LRP1B: variants seen among roughly 807,000 people sequenced by gnomAD.
LRP1B encodes low-density lipoprotein receptor-related protein 1B.
A neutral mutation model predicts 556.6 loss-of-function variants in LRP1B; 217 were observed. The ratio of observed to expected loss-of-function variants is 0.39; its 90% confidence interval spans 0.35 to 0.44. The LOEUF (loss-of-function observed/expected upper bound fraction) is 0.44, where lower values mean the gene tolerates loss of function less well. Among genes scored for constraint, LRP1B ranks in the 20% least tolerant of loss-of-function variants. The pLI is 1.00. For synonymous variants in LRP1B, 2,047 were observed against 1,865.8 expected (o/e 1.10, Z -2.50); for missense variants, 5,053 against 5,620.8 (o/e 0.90, Z 3.23).
chr2:140,251,242 A>G (rs1458454879), intron 86 of LRP1B, among the ~76,000 whole-genome samples: 2 of 151,918 alleles, frequency 1.3e-5, no homozygotes, highest in Non-Finnish European at 2.9e-5. Context: ...TATAATCTTT[A>G]AAATGAAAGT....
chr2:141,727,259 T>C (rs1293605780), intron 2 of LRP1B, among the ~76,000 whole-genome samples: 6 of 152,134 alleles, frequency 3.9e-5, no homozygotes, highest in African/African-American at 1.4e-4. Context: ...CCCTGTGGGT[T>C]ATATCTCTCC....
chr2:141,836,994 A>G lies in LRP1B; in HGVS notation c.83-26593T>C, dbSNP rs552904846. Among the ~76,000 whole-genome samples the G allele has an allele frequency of 7.2e-5, 11 of 152,118 alleles. No homozygotes were observed. The South Asian group carries it at 1.9e-3, about 26-fold the overall frequency. ...ATGTGTAAATACAAAAATAAAAGAT[A>G]TGGTGCTTGGGTTTTCAACAACTCC... On this transcript the variant is annotated intron_variant, in intron 1 of 90. Coordinates refer to ENST00000389484, the MANE Select transcript of LRP1B (RefSeq NM_018557.3).
intron 35 of LRP1B, among the ~76,000 whole-genome samples, chr2:140,732,738 T>C (rs561842208): frequency 6.6e-6 from 1 of 152,042 alleles, no homozygotes; most frequent in Non-Finnish European, 1.5e-5. Context: ...GCTGGCATTA[T>C]CAGGTAAATG....
At chr2:141,460,334 C>A (rs905837613) in intron 3 of LRP1B, among the ~76,000 whole-genome samples, 1 of 151,882 alleles carries the variant, frequency 6.6e-6, no homozygotes, top group African/African-American at 2.4e-5. Flanking sequence ...ACAGTTCATG[C>A]CAAAAATGTA....
At chr2:141,586,872 G>A (rs2105288066) in intron 2 of LRP1B, among the ~76,000 whole-genome samples, 1 of 151,154 alleles carries the variant, frequency 6.6e-6, no homozygotes, top group South Asian at 2.1e-4. Context: ...AACTCGGGAG[G>A]TGGAGCTTGC....
intron 2 of LRP1B, among the ~76,000 whole-genome samples, chr2:141,543,839 A>G (rs1685359592): frequency 6.6e-6 from 1 of 152,094 alleles, no homozygotes; most frequent in South Asian, 2.1e-4. Flanking sequence ...TTCCAGGAAT[A>G]CTGAGATGAG....
Position 141,166,092 on chromosome 2 carries a change from A to G in LRP1B, c.1013+22329T>C, listed in dbSNP as rs540082324. Among the ~76,000 whole-genome samples the G allele has an allele frequency of 1.4e-4, 22 of 151,946 alleles. No individual in the cohort carries two copies. The East Asian group carries it at 4.1e-3, about 28-fold the overall frequency. ...TCCTACTTTTGCTTCCTTACCCCAC[A>G]TACGCTATGTTTTACCATAACACCC... On this transcript the variant is annotated intron_variant, in intron 7 of 90. Transcript: ENST00000389484.
chr2:140,493,460 A>C (rs1688788030), intron 56 of LRP1B, among the ~76,000 whole-genome samples: 1 of 152,160 alleles, frequency 6.6e-6, no homozygotes, highest in South Asian at 2.1e-4. Flanking sequence ...AATTTCAGAA[A>C]GATTTTCTTT....
intron 3 of LRP1B, among the ~76,000 whole-genome samples, chr2:141,365,246 T>C (rs531735284): frequency 6.6e-6 from 1 of 152,012 alleles, no homozygotes; most frequent in East Asian, 1.9e-4. Flanking sequence ...TGTTTGTTTG[T>C]AGAGCTAGGG....
intron 2 of LRP1B, among the ~76,000 whole-genome samples, chr2:141,635,026 A>G (rs998669271): frequency 7.7e-6 from 1 of 130,698 alleles, no homozygotes; most frequent in Non-Finnish European, 1.6e-5. Flanking sequence ...ACCGCATAAC[A>G]TATAGTCAGA....
Position 141,036,342 on chromosome 2 carries a change from T to C in LRP1B, c.1789+12644A>G, listed in dbSNP as rs142429844. Among the ~76,000 whole-genome samples the C allele has an allele frequency of 5.5e-3, 836 of 152,118 alleles. 11 individuals carry two copies. Among genetic ancestry groups the C allele is most frequent in the African/African-American group, 0.018 (766 of 41,528 alleles). On this transcript the variant is annotated intron_variant, in intron 11 of 90. Transcript: ENST00000389484. ...AACACAAAGAATTTCTTTCACTGAA[T>C]TTACAAGAGAAAGATGGAAGGCAAA...
At chr2:140,910,282 A>G (rs1313378142) in intron 21 of LRP1B, among the ~76,000 whole-genome samples, 2 of 151,810 alleles carry the variant, frequency 1.3e-5, no homozygotes, top group African/African-American at 4.8e-5. Context: ...TATATATGAA[A>G]CAGTTGGCAA....
intron 25 of LRP1B, among the ~76,000 whole-genome samples, chr2:140,881,397 C>G (rs1559172591): frequency 6.6e-6 from 1 of 151,902 alleles, no homozygotes; most frequent in Non-Finnish European, 1.5e-5. Context: ...TTTTAATATT[C>G]ACATTACATT....
chr2:141,024,433 A>T (rs1698159549), intron 11 of LRP1B, among the ~76,000 whole-genome samples: 1 of 152,022 alleles, frequency 6.6e-6, no homozygotes, highest in African/African-American at 2.4e-5. Context: ...ATATATTAAA[A>T]CATAGTGGTT....
intron 2 of LRP1B, among the ~76,000 whole-genome samples, chr2:141,778,253 T>C (rs1695139803): frequency 6.6e-6 from 1 of 152,246 alleles, no homozygotes; most frequent in Non-Finnish European, 1.5e-5. Context: ...GCATCCATTT[T>C]CCATACATTA....
At chr2:140,291,139 C>CTAA (rs1683354289) in intron 84 of LRP1B, among the ~76,000 whole-genome samples, 1 of 151,156 alleles carries the variant, frequency 6.6e-6, no homozygotes, top group African/African-American at 2.4e-5. Flanking sequence ...AGCCCTCCTG[C>CTAA]TAATAGAAAC....
At chr2:140,964,833 G>C (rs1303342919) in intron 18 of LRP1B, among the ~76,000 whole-genome samples, 1 of 152,074 alleles carries the variant, frequency 6.6e-6, no homozygotes, top group East Asian at 1.9e-4. Flanking sequence ...TGGGTGGCTT[G>C]CCACCCACAA....
intron 2 of LRP1B, among the ~76,000 whole-genome samples, chr2:141,519,405 A>ATATATAT (rs1559118227): frequency 0.011 from 278 of 25,630 alleles, 11 homozygotes; most frequent in South Asian, 0.024. Context: ...ATATATATGA[A>ATATATAT]ATGCAATATT....
intron 7 of LRP1B, among the ~76,000 whole-genome samples, chr2:141,159,879 A>G (rs546750556): frequency 6.6e-6 from 1 of 152,276 alleles, no homozygotes; most frequent in South Asian, 2.1e-4. Context: ...ATCCTCAGCA[A>G]ACTAACACAG....
Sources: gnomAD v4.1 joint callset for allele counts (sites outside exome capture counted in the v4.1 genomes callset) on GRCh38, gnomAD v4.1.1 for gene constraint, MANE v1.5 for transcripts, NCBI Gene and HGNC (gene_info 2026-07-23, HGNC 2026-07-21) for gene names.